The following DARS2 variants were observed in gnomAD, a reference collection of about 807,000 sequenced individuals.
DARS2 encodes the protein aspartyl-tRNA synthetase 2, mitochondrial.
Under a neutral mutation model 83.0 loss-of-function variants are expected in DARS2, and 63 were observed. The observed-to-expected ratio is 0.76, with a 90% CI of 0.62 to 0.94. DARS2 has a LOEUF of 0.94. Among genes scored for constraint, DARS2 ranks in the 40% least tolerant of loss-of-function variants. DARS2 has a pLI of 0.00. For synonymous variants in DARS2, 250 were observed against 269.3 expected (o/e 0.93, Z 0.70); for missense variants, 675 against 774.4 (o/e 0.87, Z 1.52).
At chr1:173,854,670 C>T (rs1475158018) in intron 15 of DARS2, among the ~76,000 whole-genome samples, 1 of 152,018 alleles carries the variant, frequency 6.6e-6, no homozygotes, top group Non-Finnish European at 1.5e-5. Context: ...TTAAAAAAAC[C>T]ATGCAGCTTG....
chr1:173,854,308 T>A (rs532405818), intron 15 of DARS2, among the ~76,000 whole-genome samples: 1 of 152,158 alleles, frequency 6.6e-6, no homozygotes, highest in Non-Finnish European at 1.5e-5. Context: ...ACATTTGTTA[T>A]GATTGGAGGA....
At chr1:173,849,977 C>T (rs181362122) in intron 12 of DARS2, among the ~76,000 whole-genome samples, 1 of 151,426 alleles carries the variant, frequency 6.6e-6, no homozygotes, top group Admixed American at 6.6e-5. Context: ...CATGCCTCAG[C>T]CTCCTGAGTA....
chr1:173,841,104 G>A (rs1240158777), intron 11 of DARS2, 131 bp downstream of exon 11: 2 of 705,340 alleles, frequency 2.8e-6, no homozygotes, highest in African/African-American at 3.5e-5. Flanking sequence ...GCTGGGCATG[G>A]TGGCTCACAC....
At chr1:173,837,117 A>G in intron 8 of DARS2, 71 bp downstream of exon 8, 13 of 1,335,120 alleles carry the variant, frequency 9.7e-6, no homozygotes, top group Non-Finnish European at 1.4e-5. Context: ...AGGAAACACA[A>G]AATCCTCTCT....
intron 1 of DARS2, 37 bp downstream of exon 1, chr1:173,825,393 C>T (rs372481769): frequency 5.0e-5 from 80 of 1,603,370 alleles, no homozygotes; most frequent in Non-Finnish European, 6.7e-5. Flanking sequence ...ATGAACAGTA[C>T]TTCAGCCTGT....
intron 7 of DARS2, among the ~76,000 whole-genome samples, chr1:173,835,553 GA>G (rs574286698): frequency 2.7e-5 from 4 of 147,560 alleles, no homozygotes; most frequent in South Asian, 2.2e-4. Context: ...AGACCCTAAA[GA>G]AAAAAAAATG....
At chr1:173,856,286 C>T (rs761119138) in intron 15 of DARS2, among the ~76,000 whole-genome samples, 6 of 152,210 alleles carry the variant, frequency 3.9e-5, no homozygotes, top group Non-Finnish European at 8.8e-5. Flanking sequence ...CTCCCGGCAG[C>T]ATTTGACAAT....
At position 173,825,029 on chromosome 1, in the gene DARS2, C is replaced by A; in HGVS notation, c.-201C>A. ...GGTCTTTCCCTTATCTCCACCCCAG[C>A]AAGCACCCCAGAGACCTTGGAGATT... On this transcript the variant is annotated 5_prime_UTR_variant, in exon 1 of 17. Coordinates refer to ENST00000649689, the MANE Select transcript of DARS2 (RefSeq NM_018122.5). 1 of 603,864 alleles carries A rather than the reference C, an allele frequency of 1.7e-6. No homozygotes were observed. The allele number at this position is 603,864 out of a possible 1,614,324, so 37.4% of individuals were successfully genotyped here.
chr1:173,857,406 A>C (rs1437932579), intron 16 of DARS2, 112 bp from the exon 17 acceptor site: 8 of 1,070,234 alleles, frequency 7.5e-6, no homozygotes, highest in Non-Finnish European at 1.1e-5. Context: ...GGTTGGCTAC[A>C]GTTTGTTAAA....
intron 3 of DARS2, among the ~76,000 whole-genome samples, chr1:173,828,950 G>A (rs1177552310): frequency 2.0e-5 from 3 of 151,898 alleles, no homozygotes; most frequent in African/African-American, 7.3e-5. Context: ...GAAAAAAATT[G>A]GGAACCACCC....
At position 173,831,525 on chromosome 1, in the gene DARS2, ACT is replaced by A. The variant is rs771884052; in HGVS notation, c.397-6_397-5del. ...GTAATTTTTAAAACCCTTCCTTCTC[ACT>A]CTCCAAGAAAATGCCAACAGGTGAG... On this transcript the variant is annotated splice_region_variant and splice_polypyrimidine_tract_variant and intron_variant, in intron 4 of 16. Transcript: ENST00000649689. 34 of 1,603,146 alleles carry A rather than the reference ACT, an allele frequency of 2.1e-5. No individual in the cohort carries two copies. The highest frequency in any genetic ancestry group is 3.3e-4 in the Middle Eastern group (2 of 6,068).
intron 12 of DARS2, among the ~76,000 whole-genome samples, chr1:173,845,752 T>TGATTACA (rs1471984895): frequency 2.0e-5 from 3 of 152,132 alleles, no homozygotes; most frequent in East Asian, 3.9e-4. Context: ...CTGGGCACGG[T>TGATTACA]GGCTCACACC....
chr1:173,836,599 A>G (rs1441195629), intron 7 of DARS2, among the ~76,000 whole-genome samples: 3 of 152,174 alleles, frequency 2.0e-5, no homozygotes, highest in East Asian at 1.9e-4. Flanking sequence ...TATACAGTCT[A>G]TGAAATTATA....
intron 10 of DARS2, 55 bp downstream of exon 10, chr1:173,839,601 TA>T: frequency 6.5e-7 from 1 of 1,533,918 alleles, no homozygotes; most frequent in Non-Finnish European, 9.0e-7. Flanking sequence ...GCAGTCTTTT[TA>T]AACCACTTTG....
intron 1 of DARS2, among the ~76,000 whole-genome samples, chr1:173,826,306 T>G (rs1342193066): frequency 2.0e-5 from 3 of 152,162 alleles, no homozygotes; most frequent in Non-Finnish European, 4.4e-5. Context: ...AGATTCATAC[T>G]AAAGCTAAAT....
intron 10 of DARS2, among the ~76,000 whole-genome samples, chr1:173,840,044 G>A (rs1653148585): frequency 6.6e-6 from 1 of 152,074 alleles, no homozygotes; most frequent in Admixed American, 6.6e-5. Flanking sequence ...CTTGATCCCT[G>A]TAATGCTAGT....
Position 173,825,152 on chromosome 1 carries a change from G to A in DARS2, c.-78G>A. 2 of 1,583,450 alleles carry A rather than the reference G, an allele frequency of 1.3e-6. No individual in the cohort carries two copies. The highest frequency in any genetic ancestry group is 1.7e-5 in the Admixed American group (1 of 59,146). Reference sequence around the variant, plus strand: ...ACTCCTGGAATTTTAAGGGATTTCTGTGTATTTCCAAAACTGACTTTTAAC... The same window carrying A: ...ACTCCTGGAATTTTAAGGGATTTCTATGTATTTCCAAAACTGACTTTTAAC... On this transcript the variant is annotated 5_prime_UTR_variant, in exon 1 of 17. It adds an upstream start codon to the 5' untranslated region. Coordinates refer to ENST00000649689, the MANE Select transcript of DARS2 (RefSeq NM_018122.5).
chr1:173,856,534 T>C (rs1266826966), intron 15 of DARS2, 132 bp from the exon 16 acceptor site: 1 of 756,030 alleles, frequency 1.3e-6, no homozygotes, highest in African/African-American at 1.8e-5. Flanking sequence ...CCAATAAACT[T>C]TTATTATTGG....
intron 12 of DARS2, among the ~76,000 whole-genome samples, chr1:173,845,865 T>TA (rs1289054602): frequency 1.3e-5 from 2 of 151,236 alleles, no homozygotes; most frequent in South Asian, 2.1e-4. Flanking sequence ...CTACTAAAAA[T>TA]AAAAAAAATT....
Sources: gnomAD v4.1 joint callset for allele counts (sites outside exome capture counted in the v4.1 genomes callset) on GRCh38, gnomAD v4.1.1 for gene constraint, MANE v1.5 for transcripts, NCBI Gene and HGNC (gene_info 2026-07-23, HGNC 2026-07-21) for gene names.